The following RETREG1 variants were observed in gnomAD, a reference collection of about 807,000 sequenced individuals.
RETREG1 encodes family with sequence similarity 134 member B.
Under a neutral mutation model 54.8 loss-of-function variants are expected in RETREG1, and 44 were observed. That is an observed-to-expected ratio of 0.80 (90% CI 0.63 to 1.03). RETREG1 has a LOEUF of 1.03. Ranked by LOEUF, RETREG1 falls within the 50% of genes least tolerant of loss-of-function variation. The pLI is 0.00. For missense variants in RETREG1, 554 were observed against 605.1 expected (o/e 0.92, Z 0.89); for synonymous variants, 217 against 238.5 (o/e 0.91, Z 0.83).
intron 3 of RETREG1, among the ~76,000 whole-genome samples, chr5:16,521,341 T>C (rs1312986913): frequency 6.6e-6 from 1 of 152,194 alleles, no homozygotes; most frequent in Non-Finnish European, 1.5e-5. Flanking sequence ...AGGGGGTTAG[T>C]ATTGCCGCTG....
At chr5:16,510,836 A>C (rs1035637580) in intron 3 of RETREG1, among the ~76,000 whole-genome samples, 35 of 151,522 alleles carry the variant, frequency 2.3e-4, no homozygotes, top group African/African-American at 7.0e-4. Context: ...AAAAAAAAAA[A>C]AAAAAACCTA....
At chr5:16,602,053 C>T (rs936761994) in intron 1 of RETREG1, among the ~76,000 whole-genome samples, 3 of 152,142 alleles carry the variant, frequency 2.0e-5, no homozygotes, top group Admixed American at 6.5e-5. Context: ...AGATGTTTTC[C>T]GCATACAAGT....
At chr5:16,574,211 A>C (rs375137620) in intron 1 of RETREG1, among the ~76,000 whole-genome samples, 1 of 152,118 alleles carries the variant, frequency 6.6e-6, no homozygotes, top group Admixed American at 6.5e-5. Context: ...GTGCCTCAGC[A>C]GGAAGAGAAA....
chr5:16,555,992 C>G (rs953537145), intron 3 of RETREG1, among the ~76,000 whole-genome samples: 1 of 152,054 alleles, frequency 6.6e-6, no homozygotes, highest in African/African-American at 2.4e-5. Flanking sequence ...AAATGAACTT[C>G]ACGCATTTCA....
At chr5:16,519,773 C>G (rs991252036) in intron 3 of RETREG1, among the ~76,000 whole-genome samples, 1 of 152,210 alleles carries the variant, frequency 6.6e-6, no homozygotes, top group East Asian at 1.9e-4. Context: ...TAACTATTAA[C>G]AGGCCCCCTC....
chr5:16,572,712 C>T (rs371054724), intron 1 of RETREG1, among the ~76,000 whole-genome samples: 23 of 152,206 alleles, frequency 1.5e-4, no homozygotes, highest in African/African-American at 5.1e-4. Context: ...CTCCAATAGC[C>T]GATGGAGAAT....
chr5:16,489,106 A>T (rs1739148825), intron 3 of RETREG1, among the ~76,000 whole-genome samples: 2 of 149,686 alleles, frequency 1.3e-5, no homozygotes, highest in Non-Finnish European at 3.0e-5. Flanking sequence ...AAAAAAAAAA[A>T]AAAAAAAAAG....
At chr5:16,565,819 A>C (rs1480910006) in intron 2 of RETREG1, 26 bp from the exon 3 acceptor site, 2 of 1,611,690 alleles carry the variant, frequency 1.2e-6, no homozygotes, top group Non-Finnish European at 1.7e-6. Flanking sequence ...GCAAAATGTG[A>C]AACTTAACAG....
chr5:16,603,554 G>A (rs1404852658), intron 1 of RETREG1, among the ~76,000 whole-genome samples: 1 of 152,232 alleles, frequency 6.6e-6, no homozygotes, highest in South Asian at 2.1e-4. Context: ...GTGGGAGAGC[G>A]GCTGCCTACA....
chr5:16,574,083 G>A (rs968346905), intron 1 of RETREG1, among the ~76,000 whole-genome samples: 30 of 152,130 alleles, frequency 2.0e-4, no homozygotes, highest in African/African-American at 7.2e-4. Flanking sequence ...AACTGGGTCT[G>A]GGGAGGTGGA....
In RETREG1 at chr5:16,594,515, A is replaced by T. The variant is rs1742848990; in HGVS notation, c.320+22137T>A. ...TGAGGCGGGTGGATCACCTGAACTC[A>T]GGAGATCAAGACCAGCCTCACCAAC... On this transcript the variant is annotated intron_variant, in intron 1 of 8. Transcript: ENST00000306320. The surrounding 1 kb of genome is among the most constrained non-coding windows in gnomAD (Gnocchi z 4.4). Among the ~76,000 whole-genome samples the T allele has an allele frequency of 6.6e-6, 1 of 152,148 alleles. No individual in the cohort carries two copies. The highest frequency in any genetic ancestry group is 1.5e-5 in the Non-Finnish European group (1 of 68,026).
intron 1 of RETREG1, among the ~76,000 whole-genome samples, chr5:16,577,128 C>CT (rs781633907): frequency 1.3e-5 from 2 of 152,096 alleles, no homozygotes; most frequent in Non-Finnish European, 2.9e-5. Context: ...GTCCTGGACC[C>CT]TTATAGGTCC....
chr5:16,600,776 A>T (rs910455907), intron 1 of RETREG1, among the ~76,000 whole-genome samples: 1 of 152,244 alleles, frequency 6.6e-6, no homozygotes, highest in Non-Finnish European at 1.5e-5. Context: ...CAAAATACAC[A>T]GAAATAAGGA....
intron 1 of RETREG1, among the ~76,000 whole-genome samples, chr5:16,613,277 C>T (rs963005003): frequency 6.6e-6 from 1 of 152,178 alleles, no homozygotes; most frequent in Non-Finnish European, 1.5e-5. Flanking sequence ...TTAGGTACAC[C>T]TTCAAGATGC....
chr5:16,607,546 G>A (rs751480769), intron 1 of RETREG1, among the ~76,000 whole-genome samples: 41 of 151,898 alleles, frequency 2.7e-4, no homozygotes, highest in Admixed American at 5.9e-4. Flanking sequence ...CCCAGGAGGC[G>A]GAGACTGCAG....
chr5:16,507,579 C>T (rs1740007212), intron 3 of RETREG1, among the ~76,000 whole-genome samples: 1 of 152,206 alleles, frequency 6.6e-6, no homozygotes, highest in Non-Finnish European at 1.5e-5. Context: ...TAAATGTCAA[C>T]ATAATGTTGA....
At chr5:16,613,524 C>T (rs1006610271) in intron 1 of RETREG1, among the ~76,000 whole-genome samples, 2 of 152,188 alleles carry the variant, frequency 1.3e-5, no homozygotes, top group East Asian at 3.8e-4. Context: ...ACGGCTGTGT[C>T]ACAATTTTTG....
intron 3 of RETREG1, among the ~76,000 whole-genome samples, chr5:16,533,832 G>A (rs1740981552): frequency 6.6e-6 from 1 of 152,186 alleles, no homozygotes; most frequent in Non-Finnish European, 1.5e-5. Context: ...AGATGGCTGG[G>A]CAGCCTAGAG....
intron 3 of RETREG1, among the ~76,000 whole-genome samples, chr5:16,533,055 T>C (rs1252901322): frequency 2.0e-5 from 3 of 152,142 alleles, no homozygotes; most frequent in Admixed American, 1.3e-4. Context: ...TATGAACTTT[T>C]TTTTTTTTTG....
Sources: gnomAD v4.1 joint callset for allele counts (sites outside exome capture counted in the v4.1 genomes callset) on GRCh38, gnomAD v4.1.1 for gene constraint, Gnocchi (gnomAD v3.1) non-coding constraint, MANE v1.5 for transcripts, NCBI Gene and HGNC (gene_info 2026-07-23, HGNC 2026-07-21) for gene names.